The following MTHFD2L variants were observed in gnomAD, a reference collection of about 807,000 sequenced individuals.
MTHFD2L encodes methylenetetrahydrofolate dehydrogenase (NADP+ dependent) 2 like, also known as bifunctional methylenetetrahydrofolate dehydrogenase/cyclohydrolase 2, mitochondrial.
A neutral mutation model predicts 34.9 loss-of-function variants in MTHFD2L; 29 were observed. The ratio of observed to expected loss-of-function variants is 0.83; its 90% CI spans 0.62 to 1.13. The LOEUF is 1.13. Among genes scored for constraint, MTHFD2L ranks in the 50% most tolerant of loss-of-function variants. The probability of loss-of-function intolerance (pLI) is 0.00; values close to 1 mark genes in which losing one functional copy is unlikely to be tolerated. For missense variants in MTHFD2L, 481 were observed against 446.5 expected (o/e 1.08, Z -0.70); for synonymous variants, 167 against 155.7 (o/e 1.07, Z -0.54).
intron 5 of MTHFD2L, among the ~76,000 whole-genome samples, chr4:74,217,317 GTTAT>G (rs1156478030): frequency 6.6e-6 from 1 of 151,778 alleles, no homozygotes; most frequent in Non-Finnish European, 1.5e-5. Context: ...CTGTAGAAAG[GTTAT>G]TTTTAGTTTG....
chr4:74,123,040 A>G (rs1721838064), upstream of MTHFD2L, among the ~76,000 whole-genome samples: 1 of 152,218 alleles, frequency 6.6e-6, no homozygotes, highest in Non-Finnish European at 1.5e-5. Context: ...AAAAATAATC[A>G]AATTGAGAGG....
intron 5 of MTHFD2L, among the ~76,000 whole-genome samples, chr4:74,211,137 A>G (rs889499238): frequency 2.0e-5 from 3 of 152,306 alleles, no homozygotes; most frequent in Non-Finnish European, 2.9e-5. Context: ...AACAGAGACA[A>G]TATGACTTCC....
upstream of MTHFD2L, among the ~76,000 whole-genome samples, chr4:74,122,421 C>A (rs187871694): frequency 6.6e-6 from 1 of 152,292 alleles, no homozygotes; most frequent in African/African-American, 2.4e-5. Flanking sequence ...TGATAATTCA[C>A]TGTCATGAGA....
intron 6 of MTHFD2L, among the ~76,000 whole-genome samples, chr4:74,250,633 C>T (rs10006334): frequency 0.035 from 5,384 of 152,258 alleles, 260 homozygotes; most frequent in African/African-American, 0.11. Flanking sequence ...AAAGGTTCTG[C>T]GTGCAGTTCC....
At chr4:74,230,456 G>C (rs1214893118) in intron 6 of MTHFD2L, among the ~76,000 whole-genome samples, 1 of 151,790 alleles carries the variant, frequency 6.6e-6, no homozygotes, top group Non-Finnish European at 1.5e-5. Flanking sequence ...CAGGTGTGGT[G>C]GTGGGTGCCT....
At chr4:74,152,232 T>C (rs1258790962) in intron 1 of MTHFD2L, among the ~76,000 whole-genome samples, 1 of 152,082 alleles carries the variant, frequency 6.6e-6, no homozygotes, top group Non-Finnish European at 1.5e-5. Flanking sequence ...AAATTCCTTC[T>C]CTATGATTTG....
chr4:74,288,656 T>G (rs1361309872), intron 7 of MTHFD2L, among the ~76,000 whole-genome samples: 3 of 152,196 alleles, frequency 2.0e-5, no homozygotes, highest in African/African-American at 7.2e-5. Flanking sequence ...TTTCAAAGCA[T>G]GCTCCACTTA....
intron 3 of MTHFD2L, among the ~76,000 whole-genome samples, chr4:74,181,459 A>G (rs1413539893): frequency 6.6e-6 from 1 of 152,186 alleles, no homozygotes; most frequent in Non-Finnish European, 1.5e-5. Context: ...TGAACTGAGT[A>G]ACTGGTGTGA....
upstream of MTHFD2L, among the ~76,000 whole-genome samples, chr4:74,125,050 T>C (rs498469): frequency 6.6e-6 from 1 of 152,170 alleles, no homozygotes; most frequent in Non-Finnish European, 1.5e-5. Flanking sequence ...TTTCATTTTT[T>C]GATATAAGCA....
chr4:74,163,990 C>A (rs1441773463), intron 1 of MTHFD2L, among the ~76,000 whole-genome samples: 3 of 152,200 alleles, frequency 2.0e-5, no homozygotes, highest in Non-Finnish European at 4.4e-5. Flanking sequence ...ATTCTCCTGC[C>A]TCAGTCTCCC....
At chr4:74,159,646 G>C (rs1476292100) in intron 1 of MTHFD2L, among the ~76,000 whole-genome samples, 1 of 152,132 alleles carries the variant, frequency 6.6e-6, no homozygotes, top group Non-Finnish European at 1.5e-5. Flanking sequence ...AAATTTGGTT[G>C]TAGCCCCTTG....
At position 74,135,652 on chromosome 4, in the gene MTHFD2L, A is replaced by G. The variant is rs149748890; in HGVS notation, c.-297+10135A>G. On this transcript the variant is annotated intron_variant, in intron 1 of 7. Transcript: ENST00000433372. Reference sequence around the variant, plus strand: ...GAGGGAATACTTTCAAACTCATTCTACAAGGCCAGTGTTACTGTGATACCA... The same window carrying G: ...GAGGGAATACTTTCAAACTCATTCTGCAAGGCCAGTGTTACTGTGATACCA... Among the ~76,000 whole-genome samples, 1,113 of 151,978 alleles carry G rather than the reference A, an allele frequency of 7.3e-3. 21 individuals carry two copies. The highest frequency in any genetic ancestry group is 0.025 in the African/African-American group (1,048 of 41,508).
Position 74,281,438 on chromosome 4 carries a change from G to T in MTHFD2L, c.819G>T (p.Leu273Phe). The change falls in exon 7 of 8, where the codon TTG (leucine) becomes TTT (phenylalanine). Residue 273 changes from leucine to phenylalanine, a missense_variant. Leu to Phe is a conservative substitution (Grantham distance 22). Transcript: ENST00000325278. ...IIIVAAGIPK[L>F]ITSDMVKEGA... The stretch of plus-strand genomic sequence containing the variant: ...TTTTGTTTTCAGGTATTCCAAAGTT[G>T]ATTACGTCTGATATGGTTAAAGAAG... The T allele has an allele frequency of 1.2e-6, 2 of 1,611,674 alleles. No individual in the cohort carries two copies. Among genetic ancestry groups the T allele is most frequent in the South Asian group, 2.2e-5 (2 of 90,870 alleles).
chr4:74,230,510 A>T (rs1325869510), intron 6 of MTHFD2L, among the ~76,000 whole-genome samples: 1 of 151,634 alleles, frequency 6.6e-6, no homozygotes, highest in Non-Finnish European at 1.5e-5. Context: ...GAATCACTTG[A>T]ACCCGGGAGG....
intron 3 of MTHFD2L, among the ~76,000 whole-genome samples, chr4:74,178,304 C>T (rs1188826466): frequency 6.6e-6 from 1 of 152,038 alleles, no homozygotes; most frequent in East Asian, 1.9e-4. Context: ...TATGTCAAAA[C>T]ATTGTACACC....
At chr4:74,122,020 A>G (rs1362178434), upstream of MTHFD2L, among the ~76,000 whole-genome samples, 2 of 152,148 alleles carry the variant, frequency 1.3e-5, no homozygotes, top group African/African-American at 2.4e-5. Flanking sequence ...CCTGTTGTGT[A>G]AGCCACCCAG....
At chr4:74,247,351 T>G (rs7695282) in intron 6 of MTHFD2L, among the ~76,000 whole-genome samples, 147,886 of 150,708 alleles carry the variant, frequency 0.98, 72,596 homozygotes, top group Middle Eastern at 1. Flanking sequence ...CTTTGCTGAA[T>G]TTGCTTATCA....
At chr4:74,168,650 G>A (rs1364889094) in intron 1 of MTHFD2L, among the ~76,000 whole-genome samples, 1 of 152,172 alleles carries the variant, frequency 6.6e-6, no homozygotes, top group Non-Finnish European at 1.5e-5. Flanking sequence ...GCACATAGGA[G>A]ACTTTCAATA....
chr4:74,174,196 C>G (rs912429563), intron 1 of MTHFD2L, among the ~76,000 whole-genome samples: 1 of 152,094 alleles, frequency 6.6e-6, no homozygotes, highest in Non-Finnish European at 1.5e-5. Context: ...GTAATCACCA[C>G]CCAAAGGACC....
Sources: gnomAD v4.1 joint callset for allele counts (sites outside exome capture counted in the v4.1 genomes callset) on GRCh38, gnomAD v4.1.1 for gene constraint, MANE v1.5 for transcripts, NCBI Gene and HGNC (gene_info 2026-07-23, HGNC 2026-07-21) for gene names.